GRIA1: variants seen among roughly 807,000 people sequenced by gnomAD.
GRIA1 encodes glutamate ionotropic receptor AMPA type subunit 1, also known as glutamate receptor 1.
In GRIA1, 31 loss-of-function variants were observed where a neutral mutation model predicts 99.2. That is an observed-to-expected ratio of 0.31 (90% CI 0.23 to 0.42). The LOEUF (loss-of-function observed/expected upper bound fraction) is 0.42. Ranked by LOEUF, GRIA1 falls within the 10% of genes least tolerant of loss-of-function variation. GRIA1 has a pLI of 1.00. For synonymous variants in GRIA1, 438 were observed against 432.4 expected (o/e 1.01, Z -0.16); for missense variants, 782 against 1,157.5 (o/e 0.68, Z 4.71).
At chr5:153,491,040 G>A in intron 1 of GRIA1, 70 bp downstream of exon 1, 4 of 1,356,398 alleles carry the variant, frequency 2.9e-6, no homozygotes, top group Non-Finnish European at 3.2e-6. Context: ...GATAGGGGTT[G>A]TGTACCCCCT....
chr5:153,641,443 G>A (rs1241962074), intron 2 of GRIA1, among the ~76,000 whole-genome samples: 1 of 152,132 alleles, frequency 6.6e-6, no homozygotes, highest in Non-Finnish European at 1.5e-5. Context: ...GGATAGAATT[G>A]GACAGCCCAC....
At position 153,554,172 on chromosome 5, in the gene GRIA1, G is replaced by A. The variant is rs10072952; in HGVS notation, c.220+60107G>A. On this transcript the variant is annotated intron_variant, in intron 2 of 15. Transcript: ENST00000285900. The stretch of plus-strand genomic sequence containing the variant: ...CAGGTGAGAATGAAGCAGTCAGCCA[G>A]GTCTAATTGCCTAGTTATATGAGTG... Among the ~76,000 whole-genome samples, 984 of 152,298 alleles carry A rather than the reference G, an allele frequency of 6.5e-3. 13 individuals carry two copies. Among genetic ancestry groups the A allele is most frequent in the African/African-American group, 0.023 (939 of 41,556 alleles).
chr5:153,597,686 G>A (rs528456708), intron 2 of GRIA1, among the ~76,000 whole-genome samples: 56 of 152,190 alleles, frequency 3.7e-4, no homozygotes, highest in African/African-American at 1.3e-3. Flanking sequence ...ATACCAAGAT[G>A]GCTAAAAAAC....
chr5:153,785,230 C>T (rs1415637497), intron 13 of GRIA1, among the ~76,000 whole-genome samples: 2 of 152,132 alleles, frequency 1.3e-5, no homozygotes, highest in Non-Finnish European at 2.9e-5. Flanking sequence ...GGACCATGCT[C>T]ACTTGTGCAC....
rs545466440 is a variant in GRIA1, at chr5:153,619,068, A to G, written c.221-27860A>G. The stretch of plus-strand genomic sequence containing the variant: ...CTGTGCAGACTTAGATAGCACAGTC[A>G]TGACCTCACTTAGGTCAGGGACAGA... On this transcript the variant is annotated intron_variant, in intron 2 of 15. Coordinates refer to ENST00000285900, the MANE Select transcript of GRIA1 (RefSeq NM_000827.4). Among the ~76,000 whole-genome samples the G allele has an allele frequency of 3.3e-5, 5 of 152,356 alleles. 1 individual carries two copies. The highest frequency in any genetic ancestry group is 1.2e-4 in the African/African-American group (5 of 41,590).
intron 13 of GRIA1, among the ~76,000 whole-genome samples, chr5:153,779,206 T>C (rs1426303370): frequency 1.3e-5 from 2 of 152,212 alleles, no homozygotes; most frequent in Non-Finnish European, 2.9e-5. Flanking sequence ...GATATTATCA[T>C]TTCCCTTTCA....
chr5:153,684,842 GAAAGT>G (rs1426350042), intron 7 of GRIA1, among the ~76,000 whole-genome samples: 2 of 152,186 alleles, frequency 1.3e-5, no homozygotes, highest in Admixed American at 1.3e-4. Flanking sequence ...TTTCATCTAA[GAAAGT>G]AAAGAGCATG....
At chr5:153,739,422 G>A (rs1046105670) in intron 11 of GRIA1, among the ~76,000 whole-genome samples, 6 of 152,182 alleles carry the variant, frequency 3.9e-5, no homozygotes, top group African/African-American at 1.4e-4. Context: ...CTAGCACAAG[G>A]CCTGGCACAT....
chr5:153,656,255 A>G (rs962521864), intron 5 of GRIA1, among the ~76,000 whole-genome samples: 5 of 151,992 alleles, frequency 3.3e-5, no homozygotes, highest in Non-Finnish European at 7.4e-5. Flanking sequence ...TTTACTTCTT[A>G]TAAATACATT....
chr5:153,517,434 G>T (rs1489344884), intron 2 of GRIA1, among the ~76,000 whole-genome samples: 2 of 152,126 alleles, frequency 1.3e-5, no homozygotes, highest in Non-Finnish European at 2.9e-5. Flanking sequence ...CACAGCTTTG[G>T]AAATCAGGGG....
At chr5:153,583,683 T>G (rs1033417686) in intron 2 of GRIA1, among the ~76,000 whole-genome samples, 1 of 152,166 alleles carries the variant, frequency 6.6e-6, no homozygotes, top group Non-Finnish European at 1.5e-5. Context: ...AGTTGAAACT[T>G]TGTTTTCAGG....
chr5:153,678,040 T>C (rs1434432996), intron 7 of GRIA1, among the ~76,000 whole-genome samples: 4 of 152,310 alleles, frequency 2.6e-5, no homozygotes, highest in Middle Eastern at 3.4e-3. Flanking sequence ...TAACAAAGCA[T>C]TGGCCACAAT....
rs1368337483 is a variant in GRIA1 at position 153,650,502 on chromosome 5, T to C, written c.633T>C (p.Ala211=). The C allele has an allele frequency of 2.5e-6, 4 of 1,613,582 alleles. No homozygotes were observed. Among genetic ancestry groups the C allele is most frequent in the Non-Finnish European group, 3.4e-6 (4 of 1,179,768 alleles). ...ACTGTGAATCAGAACGCCTCAATGC[T>C]ATCTTGGGCCAGGTAGTGAAAGCAG... ...VVDCESERLN[A]ILGQIIKLEK... Residue 211 remains alanine (A), a synonymous_variant, in exon 4 of 16, where the codon GCT becomes GCC. Coordinates refer to ENST00000285900, the MANE Select transcript of GRIA1 (RefSeq NM_000827.4).
At chr5:153,680,025 G>A (rs373607626) in intron 7 of GRIA1, among the ~76,000 whole-genome samples, 22 of 152,302 alleles carry the variant, frequency 1.4e-4, no homozygotes, top group African/African-American at 3.6e-4. Context: ...TGGAGAAGCC[G>A]AGCTTCAGAC....
chr5:153,632,762 A>T (rs780606409), intron 2 of GRIA1, among the ~76,000 whole-genome samples: 2 of 152,192 alleles, frequency 1.3e-5, no homozygotes, highest in Non-Finnish European at 2.9e-5. Context: ...TTTGAAATAG[A>T]TTAGACCCAG....
chr5:153,526,702 C>T (rs1757629530), intron 2 of GRIA1, among the ~76,000 whole-genome samples: 1 of 152,202 alleles, frequency 6.6e-6, no homozygotes, highest in Non-Finnish European at 1.5e-5. Context: ...AATTCATGCA[C>T]AATCATCTGC....
chr5:153,741,840 TACCTATAGTCA>T (rs1337052950), intron 11 of GRIA1, among the ~76,000 whole-genome samples: 1 of 151,886 alleles, frequency 6.6e-6, no homozygotes, highest in East Asian at 1.9e-4. Context: ...CATAGCATTG[TACCTATAGTCA>T]ACAATACTGT....
chr5:153,617,318 G>A (rs1196660551), intron 2 of GRIA1, among the ~76,000 whole-genome samples: 1 of 152,128 alleles, frequency 6.6e-6, no homozygotes, highest in African/African-American at 2.4e-5. Context: ...CTTTTCCACT[G>A]TACACACAAG....
At chr5:153,767,754 G>A (rs180704140) in intron 12 of GRIA1, among the ~76,000 whole-genome samples, 14 of 152,312 alleles carry the variant, frequency 9.2e-5, no homozygotes, top group African/African-American at 3.1e-4. Context: ...ATCCTCCATC[G>A]ACAGTTTAAT....
Sources: gnomAD v4.1 joint callset for allele counts (sites outside exome capture counted in the v4.1 genomes callset) on GRCh38, gnomAD v4.1.1 for gene constraint, MANE v1.5 for transcripts, NCBI Gene and HGNC (gene_info 2026-07-23, HGNC 2026-07-21) for gene names.